The following MYBPC1 variants were observed in gnomAD, a reference collection of about 807,000 sequenced individuals.
The protein encoded by MYBPC1 is myosin binding protein C1, also known as myosin-binding protein C, slow-type.
A neutral mutation model predicts 147.1 loss-of-function variants in MYBPC1; 52 were observed. The observed-to-expected ratio is 0.35, with a 90% CI of 0.28 to 0.45. The LOEUF (loss-of-function observed/expected upper bound fraction) is 0.45, where lower values mean the gene tolerates loss of function less well. Among genes scored for constraint, MYBPC1 ranks in the 20% least tolerant of loss-of-function variants. The pLI is 1.00. For synonymous variants in MYBPC1, 477 were observed against 475.9 expected, an observed-to-expected ratio of 1.00 and a Z score of -0.03; for missense variants, 1,228 against 1,440.3, an observed-to-expected ratio of 0.85 and a Z score of 2.39.
intron 10 of MYBPC1, chr12:101,637,143 C>T (rs1373006462): frequency 1.2e-5 from 1 of 83,922 alleles, no homozygotes; most frequent in Non-Finnish European, 2.4e-5. Flanking sequence ...GTCTAAGACA[C>T]CACTGCTATT....
In MYBPC1 at chr12:101,615,477, A is replaced by G. The variant is rs1885647935; in HGVS notation, c.61+946A>G. 1.3e-5 allele frequency among the ~76,000 whole-genome samples: 2 copies of G among 152,146 alleles called. 1 individual carries two copies. The highest frequency in any genetic ancestry group is 4.1e-4 in the South Asian group (2 of 4,824). On this transcript the variant is annotated intron_variant, in intron 2 of 31. Coordinates refer to ENST00000361466, the MANE Select transcript of MYBPC1 (RefSeq NM_002465.4). ...TCAGAGGGATTCAGACATACCTATC[A>G]TGTACGTATTGATAGCTAGGTGCAA... is the stretch of plus-strand genomic sequence containing the variant.
In MYBPC1 at chr12:101,662,486, G is replaced by T. The variant is rs745346058; in HGVS notation, c.2161G>T (p.Ala721Ser). The part of the protein sequence containing the change: ...EGVAYEVRIF[A>S]VNAIGISKPS... ...TGTGGCCTATGAGGTCCGCATCTTT[G>T]CAGTCAATGCCATTGGCATCTCCAA... is the stretch of plus-strand genomic sequence containing the variant. Residue 721 changes from alanine (A) to serine (S), a missense_variant, in exon 21 of 32, where the codon GCA becomes TCA. Transcript: ENST00000361466. 5.0e-6 allele frequency: 8 copies of T among 1,614,242 alleles called. No homozygotes were observed. The South Asian group carries it at 8.8e-5, about 18-fold the overall frequency.
In MYBPC1 at chr12:101,678,204, C is replaced by G. The variant is rs151194086; in HGVS notation, c.3212C>G (p.Ala1071Gly). ...ACCTATGCCATAGCTGGTTACAATGCCACCCTAAACTGCAGTGTGAGAGGA... is the reference window on the plus strand; with the variant it reads ...ACCTATGCCATAGCTGGTTACAATGGCACCCTAAACTGCAGTGTGAGAGGA... Reference protein sequence around the residue: ...VNTYAIAGYNATLNCSVRGNP... With the variant: ...VNTYAIAGYNGTLNCSVRGNP... The change falls in exon 28 of 32, where the codon GCC becomes GGC. Residue 1071 changes from alanine (A) to glycine (G), a missense_variant. Ala to Gly is a moderately conservative substitution (Grantham distance 60). Transcript: ENST00000361466. The G allele has an allele frequency of 6.2e-7, 1 of 1,614,084 alleles. No individual in the cohort carries two copies. Among genetic ancestry groups the G allele is most frequent in the African/African-American group, 1.3e-5 (1 of 75,042 alleles).
chr12:101,651,443 T>C (rs761441702), intron 16 of MYBPC1, 50 bp downstream of exon 16: 1 of 1,603,354 alleles, frequency 6.2e-7, no homozygotes. Context: ...ATTTCTACTT[T>C]CTCCATTTTC....
intron 30 of MYBPC1, among the ~76,000 whole-genome samples, chr12:101,683,295 TG>T (rs1951140044): frequency 6.6e-6 from 1 of 152,076 alleles, no homozygotes; most frequent in African/African-American, 2.4e-5. Context: ...CCAGGTGTGG[TG>T]GCACATGCCT....
intron 15 of MYBPC1, among the ~76,000 whole-genome samples, chr12:101,650,611 C>T (rs923352574): frequency 3.9e-5 from 6 of 152,142 alleles, no homozygotes; most frequent in Admixed American, 6.5e-5. Flanking sequence ...CACCACGTCC[C>T]TCCCATGACA....
intron 22 of MYBPC1, chr12:101,666,174 C>G (rs1897370434): frequency 1.2e-5 from 2 of 161,164 alleles, no homozygotes; most frequent in Admixed American, 1.1e-4. Flanking sequence ...GAACTGCCTC[C>G]TGAGCTGCTG....
intron 5 of MYBPC1, 116 bp downstream of exon 5, chr12:101,627,920 C>T (rs917901006): frequency 7.3e-5 from 89 of 1,223,256 alleles, no homozygotes; most frequent in South Asian, 3.2e-4. Flanking sequence ...GTAGTTTTTA[C>T]GGCAATCTTT....
At chr12:101,683,927 A>G (rs1242496068) in intron 30 of MYBPC1, among the ~76,000 whole-genome samples, 1 of 152,156 alleles carries the variant, frequency 6.6e-6, no homozygotes, top group Non-Finnish European at 1.5e-5. Flanking sequence ...CACTAGTCTA[A>G]TATTTGTACT....
At chr12:101,687,195 G>A (rs185127013), downstream of MYBPC1, among the ~76,000 whole-genome samples, 468 of 151,934 alleles carry the variant, frequency 3.1e-3, 3 homozygotes, top group Middle Eastern at 0.021. Flanking sequence ...TTTACATTAG[G>A]TATATCGCCT....
chr12:101,612,185 T>G (rs1028537486), intron 1 of MYBPC1, among the ~76,000 whole-genome samples: 2 of 152,144 alleles, frequency 1.3e-5, no homozygotes, highest in East Asian at 3.8e-4. Context: ...AGTTCAATTA[T>G]AGAGCTCTTT....
intron 1 of MYBPC1, among the ~76,000 whole-genome samples, chr12:101,609,081 C>T (rs895186329): frequency 1.3e-5 from 2 of 152,028 alleles, no homozygotes; most frequent in Non-Finnish European, 2.9e-5. Flanking sequence ...AGGAGAAGGG[C>T]CTTGTCCTCA....
At chr12:101,609,314 T>C (rs1883425193) in intron 1 of MYBPC1, among the ~76,000 whole-genome samples, 1 of 152,016 alleles carries the variant, frequency 6.6e-6, no homozygotes. Context: ...TTTCTGGAGA[T>C]GGGGTCTTGC....
intron 1 of MYBPC1, among the ~76,000 whole-genome samples, chr12:101,610,682 A>T (rs1883946012): frequency 4.6e-5 from 7 of 152,156 alleles, no homozygotes; most frequent in Admixed American, 4.6e-4. Context: ...GAGGAAATCG[A>T]TGTGCACCCC....
Position 101,685,808 on chromosome 12 carries a change from A to AGC in MYBPC1, c.*247_*248insCG, listed in dbSNP as rs886048837. 1 of 551,442 alleles carries AGC rather than the reference A, an allele frequency of 1.8e-6. No individual in the cohort carries two copies. Among genetic ancestry groups the AGC allele is most frequent in the East Asian group, 3.8e-5 (1 of 26,416 alleles). 34.2% of individuals were successfully genotyped at this position (551,442 alleles called of 1,614,324 possible). On this transcript the variant is annotated 3_prime_UTR_variant, in exon 32 of 32. Coordinates refer to ENST00000361466, the MANE Select transcript of MYBPC1 (RefSeq NM_002465.4). Reference sequence around the variant, plus strand: ...TCTTTTTCTTTCCTCCTAATGTTGAAGAGAAAAAAAAAAAAAAAAGTTTGC... The same window carrying AGC: ...TCTTTTTCTTTCCTCCTAATGTTGAAGCGAGAAAAAAAAAAAAAAAAGTTTGC...
At chr12:101,649,452 T>C (rs766991167) in intron 15 of MYBPC1, 26 bp downstream of exon 15, 2 of 1,609,204 alleles carry the variant, frequency 1.2e-6, no homozygotes, top group African/African-American at 2.7e-5. Context: ...TTAGATGTCT[T>C]CTCAGTGGGC....
intron 16 of MYBPC1, among the ~76,000 whole-genome samples, chr12:101,651,899 A>T (rs1253570710): frequency 5.3e-5 from 8 of 152,210 alleles, no homozygotes; most frequent in Non-Finnish European, 4.4e-5. Flanking sequence ...ACACCACTGC[A>T]TTTCAGCCTG....
intron 1 of MYBPC1, among the ~76,000 whole-genome samples, chr12:101,607,655 T>C (rs1379663794): frequency 2.0e-5 from 3 of 152,312 alleles, no homozygotes; most frequent in Middle Eastern, 3.4e-3. Context: ...TATATTCATA[T>C]GATATAATTT....
chr12:101,661,378 G>A, intron 20 of MYBPC1, 116 bp downstream of exon 20: 1 of 694,014 alleles, frequency 1.4e-6, no homozygotes, highest in Non-Finnish European at 2.6e-6. Flanking sequence ...ATTTTACTGT[G>A]ACTTTATGCA....
Sources: gnomAD v4.1 joint callset for allele counts (sites outside exome capture counted in the v4.1 genomes callset) on GRCh38, gnomAD v4.1.1 for gene constraint, MANE v1.5 for transcripts, NCBI Gene and HGNC (gene_info 2026-07-23, HGNC 2026-07-21) for gene names.